GRIK3: variants seen among roughly 807,000 people sequenced by gnomAD.
GRIK3 encodes glutamate ionotropic receptor kainate type subunit 3.
GRIK3 carries 29 observed loss-of-function variants against 102.5 expected under a neutral mutation model. The ratio of observed to expected loss-of-function variants is 0.28; its 90% CI spans 0.21 to 0.39. GRIK3 has a LOEUF of 0.39. GRIK3 is among the 10% of genes least tolerant of loss of function. GRIK3 has a pLI of 1.00. For missense variants in GRIK3, 908 were observed against 1,252.4 expected (o/e 0.73, Z 4.15); for synonymous variants, 511 against 504.9 (o/e 1.01, Z -0.16).
chr1:36,902,376 G>A (rs774338167), intron 1 of GRIK3, among the ~76,000 whole-genome samples: 1 of 152,188 alleles, frequency 6.6e-6, no homozygotes, highest in Non-Finnish European at 1.5e-5. Flanking sequence ...TTGGCATATA[G>A]ACAGACAAAT....
At chr1:36,955,853 A>T (rs1423022620) in intron 1 of GRIK3, among the ~76,000 whole-genome samples, 1 of 152,220 alleles carries the variant, frequency 6.6e-6, no homozygotes, top group African/African-American at 2.4e-5. Context: ...GTCAGTAAGG[A>T]TCCCCCGCTG....
intron 5 of GRIK3, among the ~76,000 whole-genome samples, chr1:36,862,611 A>G (rs1640740004): frequency 6.6e-6 from 1 of 152,092 alleles, no homozygotes; most frequent in South Asian, 2.1e-4. Context: ...AAGGGCAGCA[A>G]AGAGGGGAGA....
chr1:36,824,018 C>T (rs924445403), intron 11 of GRIK3, among the ~76,000 whole-genome samples: 2 of 152,032 alleles, frequency 1.3e-5, no homozygotes, highest in African/African-American at 4.8e-5. Context: ...CACTCTGATG[C>T]TCTTCCTAGC....
intron 1 of GRIK3, among the ~76,000 whole-genome samples, chr1:37,017,369 TAAAAAA>T (rs774819790): frequency 6.2e-5 from 3 of 48,534 alleles, no homozygotes; most frequent in African/African-American, 2.0e-4. Context: ...CCCTGTCTCT[TAAAAAA>T]AAAAAAAAAA....
At chr1:36,907,352 A>C (rs558403342) in intron 1 of GRIK3, among the ~76,000 whole-genome samples, 1 of 152,340 alleles carries the variant, frequency 6.6e-6, no homozygotes, top group African/African-American at 2.4e-5. Flanking sequence ...CCAGGCCCAA[A>C]GGTGGGCGAG....
At chr1:36,979,240 G>C (rs750044033) in intron 1 of GRIK3, among the ~76,000 whole-genome samples, 1 of 152,252 alleles carries the variant, frequency 6.6e-6, no homozygotes, top group African/African-American at 2.4e-5. Context: ...TCTACCTGCA[G>C]GATTGGCCTG....
rs375568431 is a variant in GRIK3, at chr1:36,797,063, C to T, written c.*4788G>A. On this transcript the variant is annotated 3_prime_UTR_variant, in exon 16 of 16. Transcript: ENST00000373091. Reference sequence around the variant, plus strand: ...CGGTGCAGGACTCACCTGGCAGCACCATGTAGCTCTGCCCTCTTCTTCAGG... The same window carrying T: ...CGGTGCAGGACTCACCTGGCAGCACTATGTAGCTCTGCCCTCTTCTTCAGG... The T allele has an allele frequency of 6.6e-6, 1 of 152,122 alleles. No homozygotes were observed. The highest frequency in any genetic ancestry group is 2.1e-4 in the South Asian group (1 of 4,822). The allele number at this position is 152,122 out of a possible 1,614,324, so 9.4% of individuals were successfully genotyped here. A position where few individuals can be genotyped will look rare whatever the true frequency, so the allele number is the denominator to read the frequency against.
intron 1 of GRIK3, among the ~76,000 whole-genome samples, chr1:37,030,029 A>C (rs1312278875): frequency 6.6e-6 from 1 of 152,236 alleles, no homozygotes; most frequent in East Asian, 1.9e-4. Context: ...GCGAAGTGCG[A>C]GGCAGGCATC....
chr1:36,934,590 G>A (rs1277712992), intron 1 of GRIK3, among the ~76,000 whole-genome samples: 1 of 152,148 alleles, frequency 6.6e-6, no homozygotes, highest in Non-Finnish European at 1.5e-5. Flanking sequence ...CCAGTCCTCA[G>A]TATTTTCCTT....
intron 10 of GRIK3, among the ~76,000 whole-genome samples, chr1:36,830,006 G>A (rs1642798433): frequency 6.6e-6 from 1 of 152,214 alleles, no homozygotes; most frequent in African/African-American, 2.4e-5. Context: ...CCAGCTTGCT[G>A]CCTGTGTCTG....
intron 1 of GRIK3, among the ~76,000 whole-genome samples, chr1:36,985,585 A>G (rs1642295717): frequency 6.6e-6 from 1 of 152,098 alleles, no homozygotes; most frequent in African/African-American, 2.4e-5. Context: ...GTCCATCCCC[A>G]AGGTGCCCTG....
At chr1:36,981,089 G>A (rs1642244026) in intron 1 of GRIK3, among the ~76,000 whole-genome samples, 1 of 152,234 alleles carries the variant, frequency 6.6e-6, no homozygotes, top group African/African-American at 2.4e-5. Flanking sequence ...TAAACAGATG[G>A]AGAAACTGAG....
intron 1 of GRIK3, among the ~76,000 whole-genome samples, chr1:37,024,984 A>T (rs1642752632): frequency 1.3e-5 from 2 of 152,202 alleles, no homozygotes; most frequent in Non-Finnish European, 2.9e-5. Context: ...ACTTAGAGAA[A>T]GTAAGTGACT....
chr1:36,942,154 G>A (rs1009939748), intron 1 of GRIK3, among the ~76,000 whole-genome samples: 2 of 152,308 alleles, frequency 1.3e-5, no homozygotes, highest in Non-Finnish European at 2.9e-5. Flanking sequence ...GGACCCCACT[G>A]GAAGCCGAAC....
chr1:36,830,590 G>A (rs1337161097), intron 10 of GRIK3, among the ~76,000 whole-genome samples: 1 of 151,932 alleles, frequency 6.6e-6, no homozygotes, highest in African/African-American at 2.4e-5. Context: ...TGGGTGGATT[G>A]CCTGAAGGCA....
At chr1:37,008,156 T>C (rs927936737) in intron 1 of GRIK3, among the ~76,000 whole-genome samples, 1 of 152,218 alleles carries the variant, frequency 6.6e-6, no homozygotes, top group African/African-American at 2.4e-5. Flanking sequence ...CAAGTGGACT[T>C]ACGGGGTCTC....
intron 10 of GRIK3, among the ~76,000 whole-genome samples, chr1:36,827,446 C>A (rs1364463384): frequency 6.6e-6 from 1 of 152,116 alleles, no homozygotes; most frequent in African/African-American, 2.4e-5. Context: ...AAGGGGGGAC[C>A]TCCCTCTGAA....
intron 1 of GRIK3, among the ~76,000 whole-genome samples, chr1:36,928,294 A>G (rs1289301194): frequency 6.6e-6 from 1 of 151,782 alleles, no homozygotes; most frequent in Non-Finnish European, 1.5e-5. Context: ...AAGAAAAGGA[A>G]CTCCTATAGC....
chr1:36,850,102 C>T lies in GRIK3; in HGVS notation c.1326+209G>A, dbSNP rs1640564170. 3.6e-6 allele frequency: 2 copies of T among 559,314 alleles called. No homozygotes were observed. Among genetic ancestry groups the T allele is most frequent in the Non-Finnish European group, 3.2e-6 (1 of 312,868 alleles). 34.6% of individuals were successfully genotyped at this position (559,314 alleles called of 1,614,324 possible). A position where few individuals can be genotyped will look rare whatever the true frequency, so the allele number is the denominator to read the frequency against. On this transcript the variant is annotated intron_variant, in intron 9 of 15. Transcript: ENST00000373091. This position sits in a 1 kb window ranked among gnomAD's most constrained non-coding sequence, Gnocchi z 4.0. ...ACTTGGGGAGTGAGTGGGAGTGAGA[C>T]ACAAAAACGCAGCGGCTTCCGCCCG...
Sources: allele counts gnomAD v4.1 joint callset (sites outside exome capture counted in the v4.1 genomes callset), GRCh38; gene constraint gnomAD v4.1.1; non-coding constraint Gnocchi (gnomAD v3.1); transcripts MANE v1.5; gene names NCBI Gene and HGNC (gene_info 2026-07-23, HGNC 2026-07-21).